ABCA13: variants seen among roughly 807,000 people sequenced by gnomAD.
The protein encoded by ABCA13 is ATP-binding cassette sub-family A member 13.
In ABCA13, 476 loss-of-function variants were observed where a neutral mutation model predicts 478.7. The observed-to-expected ratio is 0.99, with a 90% confidence interval of 0.92 to 1.07. The LOEUF (loss-of-function observed/expected upper bound fraction) is 1.07, where lower values mean the gene tolerates loss of function less well. Among genes scored for constraint, ABCA13 ranks in the 50% least tolerant of loss-of-function variants. The pLI is 0.00. For synonymous variants in ABCA13, 2,252 were observed against 2,158.9 expected (o/e 1.04, Z -1.20); for missense variants, 6,060 against 5,910.6 (o/e 1.03, Z -0.83).
intron 35 of ABCA13, among the ~76,000 whole-genome samples, chr7:48,386,442 G>A (rs1336922816): frequency 6.6e-6 from 1 of 152,086 alleles, no homozygotes; most frequent in Non-Finnish European, 1.5e-5. Flanking sequence ...AATCCTGAGC[G>A]AAAAGAACAA....
At chr7:48,469,836 C>T (rs1450311293) in intron 44 of ABCA13, among the ~76,000 whole-genome samples, 1 of 151,808 alleles carries the variant, frequency 6.6e-6, no homozygotes, top group African/African-American at 2.4e-5. Flanking sequence ...AGGAGAATCA[C>T]TTGAGCCCAG....
At chr7:48,564,923 A>C (rs1487303957) in intron 55 of ABCA13, among the ~76,000 whole-genome samples, 1 of 152,124 alleles carries the variant, frequency 6.6e-6, no homozygotes, top group East Asian at 1.9e-4. Context: ...TTGATCTCTA[A>C]CACTAACTTT....
chr7:48,281,333 T>G lies in ABCA13; in HGVS notation c.8727-10T>G. 1.3e-6 allele frequency: 2 copies of G among 1,584,594 alleles called. No homozygotes were observed. Among genetic ancestry groups the G allele is most frequent in the South Asian group, 2.3e-5 (2 of 86,664 alleles). ...CCCTTTTATGTCATTGTATATATTT[T>G]TTTGCTAAGTGTTGTTGAGATTTGT... On this transcript the variant is annotated splice_polypyrimidine_tract_variant and intron_variant, in intron 18 of 61. Coordinates refer to ENST00000435803, the MANE Select transcript of ABCA13 (RefSeq NM_152701.5).
intron 2 of ABCA13, 50 bp from the exon 3 acceptor site, chr7:48,198,187 T>C (rs1418418379): frequency 1.3e-6 from 2 of 1,542,898 alleles, no homozygotes; most frequent in South Asian, 1.3e-5. Context: ...AGGAATTCCA[T>C]TTCTGGTAGC....
chr7:48,533,432 G>GAATTCTCCA (rs1226670470), intron 55 of ABCA13, among the ~76,000 whole-genome samples: 2 of 152,010 alleles, frequency 1.3e-5, no homozygotes, highest in African/African-American at 4.8e-5. Context: ...GTCTATCTTG[G>GAATTCTCCA]AGAATGTTCC....
chr7:48,186,964 C>T (rs987992457), intron 1 of ABCA13, among the ~76,000 whole-genome samples: 3 of 149,814 alleles, frequency 2.0e-5, no homozygotes, highest in Non-Finnish European at 4.4e-5. Flanking sequence ...TGTGTTATTT[C>T]ATTATTGAGA....
Position 48,272,876 on chromosome 7 carries a change from A to C in ABCA13, c.3210A>C (p.Ile1070=), listed in dbSNP as rs1397837131. ...TTLTGLKQLL[I]IDEDFRISLF... ...TGACAGGCCTCAAACAGCTGCTCAT[A>C]ATTGATGAAGATTTTCGTATTTCTT... Residue 1070 remains isoleucine (I), a synonymous_variant, in exon 17 of 62, where the codon ATA becomes ATC. Transcript: ENST00000435803. 6.2e-7 allele frequency: 1 copy of C among 1,608,064 alleles called. No individual in the cohort carries two copies. The highest frequency in any genetic ancestry group is 1.1e-5 in the South Asian group (1 of 90,370).
chr7:48,206,613 A>AC (rs199995622), intron 3 of ABCA13, among the ~76,000 whole-genome samples: 30,659 of 151,964 alleles, frequency 0.2, 3,322 homozygotes, highest in Middle Eastern at 0.25. Context: ...TTTTAAAAAA[A>AC]ATTTTGTTTC....
chr7:48,360,430 G>A (rs1417984938), intron 31 of ABCA13, among the ~76,000 whole-genome samples: 1 of 151,958 alleles, frequency 6.6e-6, no homozygotes, highest in African/African-American at 2.4e-5. Context: ...CAGAGAAGGG[G>A]AAACATACAG....
chr7:48,241,469 A>G (rs1196908043), intron 10 of ABCA13, among the ~76,000 whole-genome samples: 1 of 152,216 alleles, frequency 6.6e-6, no homozygotes, highest in East Asian at 1.9e-4. Flanking sequence ...TTACTTAAAG[A>G]TTTTGTATAG....
At chr7:48,620,572 T>C (rs984527052) in intron 59 of ABCA13, among the ~76,000 whole-genome samples, 2 of 152,174 alleles carry the variant, frequency 1.3e-5, no homozygotes, top group Admixed American at 6.5e-5. Context: ...GGCAAATGTC[T>C]TTTGGGCAGC....
rs1023907695 is a variant in ABCA13, at chr7:48,364,880, A to T, written c.10689-2914A>T. On this transcript the variant is annotated intron_variant, in intron 31 of 61. Coordinates refer to ENST00000435803, the MANE Select transcript of ABCA13 (RefSeq NM_152701.5). ...GTCTGCAATAAACATGGGAGTGCAC[A>T]TATCTCTTCGATATACTGATTTTCT... Among the ~76,000 whole-genome samples, 5 of 152,152 alleles carry T rather than the reference A, an allele frequency of 3.3e-5. No homozygotes were observed. In the East Asian group the frequency reaches 9.6e-4, roughly 29 times the overall value.
intron 20 of ABCA13, among the ~76,000 whole-genome samples, chr7:48,289,634 C>A (rs549768734): frequency 2.0e-5 from 3 of 152,218 alleles, no homozygotes; most frequent in South Asian, 2.1e-4. Context: ...GCTGGGATTA[C>A]AGGCATGAGC....
intron 55 of ABCA13, among the ~76,000 whole-genome samples, chr7:48,569,818 C>T (rs1034859401): frequency 6.6e-6 from 1 of 152,182 alleles, no homozygotes; most frequent in East Asian, 1.9e-4. Context: ...CGCTACTGCA[C>T]CCAGCTAATA....
chr7:48,369,904 GA>G (rs1166304277), intron 32 of ABCA13, among the ~76,000 whole-genome samples: 1 of 151,514 alleles, frequency 6.6e-6, no homozygotes, highest in East Asian at 1.9e-4. Context: ...TGAATTTTAG[GA>G]TTTTTTTTTT....
chr7:48,504,697 C>T (rs1585626196), intron 48 of ABCA13, among the ~76,000 whole-genome samples: 1 of 152,190 alleles, frequency 6.6e-6, no homozygotes. Context: ...GAGCACACAA[C>T]ATTGCAAATA....
rs755910187 is a variant in ABCA13, at chr7:48,506,362, G to A, written c.13318G>A (p.Gly4440Arg). 6.2e-7 allele frequency: 1 copy of A among 1,613,884 alleles called. No homozygotes were observed. The highest frequency in any genetic ancestry group is 1.7e-5 in the Admixed American group (1 of 60,030). ...YGITLYSHPY[G>R]GALLNEDKIL... ...AATAACACTCTACAGCCACCCATAT[G>A]GAGGGGCCTTGCTGAACGAGGACAA... The change falls in exon 49 of 62, where the codon GGA becomes AGA. Residue 4440 changes from glycine to arginine, a missense_variant. By Grantham distance (125) the Gly-to-Arg change is moderately radical. Transcript: ENST00000435803.
chr7:48,239,421 T>C lies in ABCA13; in HGVS notation c.1062+16T>C, dbSNP rs1218453596. On this transcript the variant is annotated intron_variant, in intron 9 of 61. Coordinates refer to ENST00000435803, the MANE Select transcript of ABCA13 (RefSeq NM_152701.5). ...CTACCAACAGGTGCTGTCCCCTCTC[T>C]CTATGTTCTGTTCAAAGGTGTGCCA... The C allele has an allele frequency of 1.9e-6, 3 of 1,602,428 alleles. No homozygotes were observed. The highest frequency in any genetic ancestry group is 2.6e-6 in the Non-Finnish European group (3 of 1,174,094).
At chr7:48,537,968 A>T (rs1274501845) in intron 55 of ABCA13, among the ~76,000 whole-genome samples, 1 of 152,184 alleles carries the variant, frequency 6.6e-6, no homozygotes, top group African/African-American at 2.4e-5. Flanking sequence ...TGACATACTG[A>T]TACTTTGAAG....
Sources: allele counts gnomAD v4.1 joint callset (sites outside exome capture counted in the v4.1 genomes callset), GRCh38; gene constraint gnomAD v4.1.1; transcripts MANE v1.5; gene names NCBI Gene and HGNC (gene_info 2026-07-23, HGNC 2026-07-21).